The following RBFOX1 variants were observed in gnomAD, a reference collection of about 807,000 sequenced individuals.
RBFOX1 encodes the protein RNA binding fox-1 homolog 1, also known as RNA binding protein fox-1 homolog 1.
A neutral mutation model predicts 57.7 loss-of-function variants in RBFOX1; 8 were observed. The ratio of observed to expected loss-of-function variants is 0.14; its 90% CI spans 0.08 to 0.25. The LOEUF is 0.25. RBFOX1 is among the 10% of genes least tolerant of loss of function. The pLI, the probability that RBFOX1 is intolerant of heterozygous loss-of-function variation, is 1.00. For synonymous variants in RBFOX1, 326 were observed against 222.4 expected, an observed-to-expected ratio of 1.47 and a Z score of -4.15; for missense variants, 611 against 548.5, an observed-to-expected ratio of 1.11 and a Z score of -1.14.
chr16:6,933,869 A>G (rs9933572), intron 3 of RBFOX1, among the ~76,000 whole-genome samples: 4,675 of 152,262 alleles, frequency 0.031, 247 homozygotes, highest in African/African-American at 0.11. Flanking sequence ...GGATTTCATT[A>G]TTTTGTTTTG....
At chr16:5,253,900 C>T (rs1422282743) in intron 1 of RBFOX1, among the ~76,000 whole-genome samples, 3 of 152,222 alleles carry the variant, frequency 2.0e-5, no homozygotes, top group South Asian at 2.1e-4. Context: ...GGAGTCACTA[C>T]ATCCTCAGGG....
At chr16:7,682,823 G>A (rs1228436190) in intron 14 of RBFOX1, among the ~76,000 whole-genome samples, 1 of 149,304 alleles carries the variant, frequency 6.7e-6, no homozygotes, top group Non-Finnish European at 1.5e-5. Context: ...TTTCCTAACA[G>A]ATCCATTTTG....
intron 3 of RBFOX1, among the ~76,000 whole-genome samples, chr16:6,887,713 A>C (rs906541882): frequency 1.3e-5 from 2 of 150,540 alleles, no homozygotes; most frequent in African/African-American, 4.9e-5. Context: ...CCCAGGTTGG[A>C]GTGCCCTGGT....
intron 3 of RBFOX1, among the ~76,000 whole-genome samples, chr16:7,036,747 A>G (rs1351411076): frequency 2.7e-5 from 4 of 147,648 alleles, no homozygotes; most frequent in African/African-American, 1.0e-4. Context: ...AAAAAAAAAG[A>G]AAGAATTCAG....
At chr16:5,328,141 C>G (rs1379399727) in intron 1 of RBFOX1, among the ~76,000 whole-genome samples, 2 of 152,154 alleles carry the variant, frequency 1.3e-5, no homozygotes, top group Admixed American at 6.5e-5. Context: ...AATTGTGTCC[C>G]TGCAAATTCA....
At chr16:5,381,385 T>C (rs2066126889) in intron 1 of RBFOX1, among the ~76,000 whole-genome samples, 1 of 152,232 alleles carries the variant, frequency 6.6e-6, no homozygotes. Context: ...CCTTAGCAAA[T>C]TGTGTCTAAA....
intron 3 of RBFOX1, among the ~76,000 whole-genome samples, chr16:7,026,330 C>G (rs1276277034): frequency 6.6e-6 from 1 of 152,184 alleles, no homozygotes; most frequent in African/African-American, 2.4e-5. Flanking sequence ...AACGGTTTAA[C>G]TCGGGTATCC....
chr16:6,561,322 T>C (rs2097176480), intron 2 of RBFOX1, among the ~76,000 whole-genome samples: 1 of 152,188 alleles, frequency 6.6e-6, no homozygotes, highest in Non-Finnish European at 1.5e-5. Context: ...TTAATATGCA[T>C]GCATTCCGTA....
At chr16:7,208,114 G>A (rs143595302) in intron 4 of RBFOX1, among the ~76,000 whole-genome samples, 194 of 152,300 alleles carry the variant, frequency 1.3e-3, no homozygotes, top group African/African-American at 4.5e-3. Context: ...AGGAAAAGCT[G>A]GAGATGGCTG....
At chr16:5,759,250 C>T (rs186972745) in intron 3 of RBFOX1, among the ~76,000 whole-genome samples, 1 of 152,302 alleles carries the variant, frequency 6.6e-6, no homozygotes, top group Non-Finnish European at 1.5e-5. Flanking sequence ...GTTCAGCTTA[C>T]AGAAGAACCA....
chr16:5,791,624 C>A (rs1288142625), intron 3 of RBFOX1, among the ~76,000 whole-genome samples: 1 of 152,084 alleles, frequency 6.6e-6, no homozygotes, highest in Non-Finnish European at 1.5e-5. Context: ...TTGACTTCCC[C>A]AAGGTCACAC....
chr16:5,462,242 C>T (rs1224874307), intron 1 of RBFOX1, among the ~76,000 whole-genome samples: 1 of 149,476 alleles, frequency 6.7e-6, no homozygotes, highest in Non-Finnish European at 1.5e-5. Flanking sequence ...TATCTCGGCT[C>T]ACTGCAAGCT....
intron 9 of RBFOX1, among the ~76,000 whole-genome samples, 162 bp from the exon 10 acceptor site, chr16:7,607,123 T>C (rs961303611): frequency 1.8e-4 from 28 of 152,290 alleles, no homozygotes; most frequent in African/African-American, 6.0e-4. Flanking sequence ...TATTTTCTTA[T>C]GTGTGGTTTT....
At chr16:5,493,889 C>A (rs549705434) in intron 2 of RBFOX1, among the ~76,000 whole-genome samples, 126 of 152,160 alleles carry the variant, frequency 8.3e-4, no homozygotes, top group African/African-American at 2.8e-3. Flanking sequence ...AATTAATCAC[C>A]CTGTCTCATT....
At chr16:6,863,725 C>CTGTTTTTTTTTTTTTTTT in intron 3 of RBFOX1, among the ~76,000 whole-genome samples, 1 of 67,768 alleles carries the variant, frequency 1.5e-5, no homozygotes, top group Non-Finnish European at 2.6e-5. Context: ...GATGCCTGCG[C>CTGTTTTTTTTTTTTTTTT]TTTTTTTTTT....
intron 11 of RBFOX1, among the ~76,000 whole-genome samples, chr16:7,650,182 G>A (rs763618157): frequency 5.8e-4 from 89 of 152,152 alleles, no homozygotes; most frequent in African/African-American, 2.0e-3. Flanking sequence ...GAGATTTCAC[G>A]AAAGGGCCCC....
intron 3 of RBFOX1, among the ~76,000 whole-genome samples, chr16:6,977,360 T>G (rs1367477629): frequency 6.6e-6 from 1 of 152,112 alleles, no homozygotes; most frequent in East Asian, 1.9e-4. Context: ...GGAATGCCTT[T>G]GTTCTCTAGA....
chr16:5,930,223 ATGGATGGATGGATGGATGGATG>A (rs2059020703), intron 4 of RBFOX1, among the ~76,000 whole-genome samples: 1 of 121,998 alleles, frequency 8.2e-6, no homozygotes, highest in Non-Finnish European at 1.7e-5. Context: ...GGATGGATGG[ATGGATGGATGGATGGATGGATG>A]CTTGGATGTA....
intron 4 of RBFOX1, among the ~76,000 whole-genome samples, chr16:7,216,164 T>A (rs1414359430): frequency 6.6e-6 from 1 of 152,222 alleles, no homozygotes; most frequent in Admixed American, 6.5e-5. Context: ...TACCATGTTG[T>A]ATTTACCTCT....
Sources: allele counts gnomAD v4.1 joint callset (sites outside exome capture counted in the v4.1 genomes callset), GRCh38; gene constraint gnomAD v4.1.1; transcripts MANE v1.5; gene names NCBI Gene and HGNC (gene_info 2026-07-23, HGNC 2026-07-21).